The following TSPAN16 variants were observed in gnomAD, a reference collection of about 807,000 sequenced individuals.
The protein encoded by TSPAN16 is tetraspanin 16, also known as tetraspanin-16.
Under a neutral mutation model 25.2 loss-of-function variants are expected in TSPAN16, and 23 were observed. The ratio of observed to expected loss-of-function variants is 0.91; its 90% CI spans 0.66 to 1.29. The LOEUF (loss-of-function observed/expected upper bound fraction) is 1.29. Ranked by LOEUF, TSPAN16 falls within the 50% of genes most tolerant of loss-of-function variation. The pLI, the probability that TSPAN16 is intolerant of heterozygous loss-of-function variation, is 0.00. For synonymous variants in TSPAN16, 123 were observed against 124.4 expected (o/e 0.99, Z 0.08); for missense variants, 272 against 299.9 (o/e 0.91, Z 0.69).
chr19:11,318,394 T>G (rs996664808), downstream of TSPAN16, among the ~76,000 whole-genome samples: 6 of 151,826 alleles, frequency 4.0e-5, no homozygotes, highest in Non-Finnish European at 8.8e-5. Flanking sequence ...TCTCCTGACC[T>G]CGTGATCTGC....
At chr19:11,307,806 A>G (rs1028984468) in intron 5 of TSPAN16, 2 of 152,156 alleles carry the variant, frequency 1.3e-5, no homozygotes. Flanking sequence ...ACTCTTATTG[A>G]GTGTTCAGCT....
At chr19:11,325,336 A>G in intron 6 of TSPAN16, 7 of 1,103,880 alleles carry the variant, frequency 6.3e-6, no homozygotes, top group Non-Finnish European at 7.7e-6. Context: ...ACTGTGGCTC[A>G]CGCCTCGATC....
At chr19:11,298,360 G>C (rs780726338) in intron 2 of TSPAN16, 21 bp downstream of exon 2, 17 of 1,611,206 alleles carry the variant, frequency 1.1e-5, no homozygotes, top group Non-Finnish European at 1.4e-5. Context: ...TCTGCACACA[G>C]ACCCCAGAAC....
chr19:11,313,217 A>G (rs1029567336), intron 6 of TSPAN16, among the ~76,000 whole-genome samples: 4 of 152,298 alleles, frequency 2.6e-5, no homozygotes, highest in African/African-American at 7.2e-5. Flanking sequence ...ATGACATAAG[A>G]AAGTAAAACT....
chr19:11,318,685 C>G (rs550682375), downstream of TSPAN16, among the ~76,000 whole-genome samples: 1 of 151,560 alleles, frequency 6.6e-6, no homozygotes, highest in Non-Finnish European at 1.5e-5. Context: ...CTTGCTCTGT[C>G]GCCCAAGCTG....
intron 6 of TSPAN16, among the ~76,000 whole-genome samples, chr19:11,315,384 C>T (rs1484584797): frequency 6.7e-6 from 1 of 149,922 alleles, no homozygotes; most frequent in African/African-American, 2.4e-5. Flanking sequence ...AATAAAACCC[C>T]GTCTCTACTA....
intron 1 of TSPAN16, among the ~76,000 whole-genome samples, chr19:11,296,788 C>T (rs2080482941): frequency 6.6e-6 from 1 of 152,222 alleles, no homozygotes; most frequent in Admixed American, 6.6e-5. Flanking sequence ...CCTGTAATCC[C>T]AACGCTTTGG....
At chr19:11,308,457 C>T (rs1175593952) in intron 5 of TSPAN16, among the ~76,000 whole-genome samples, 1 of 151,660 alleles carries the variant, frequency 6.6e-6, no homozygotes, top group African/African-American at 2.4e-5. Context: ...TGCTACCACG[C>T]CCAGCTAATT....
chr19:11,315,296 G>T (rs2080736415), intron 6 of TSPAN16, among the ~76,000 whole-genome samples: 1 of 148,866 alleles, frequency 6.7e-6, no homozygotes, highest in East Asian at 2.0e-4. Flanking sequence ...GGTGGCTCAC[G>T]CCTGTAATCC....
chr19:11,316,811 CTTTT>C (rs71164185), downstream of TSPAN16, among the ~76,000 whole-genome samples: 1 of 129,620 alleles, frequency 7.7e-6, no homozygotes, highest in Admixed American at 8.0e-5. Flanking sequence ...CCCCCCCCGC[CTTTT>C]TTTTTTTTTT....
In TSPAN16 at chr19:11,301,321, TAA is replaced by T. The variant is rs549335631; in HGVS notation, c.450+24_450+25del. The T allele has an allele frequency of 4.9e-5, 62 of 1,261,750 alleles. No individual in the cohort carries two copies. Among genetic ancestry groups the T allele is most frequent in the Non-Finnish European group, 5.8e-5 (53 of 920,728 alleles). 78.2% of individuals were successfully genotyped at this position (1,261,750 alleles called of 1,614,324 possible). A position where few individuals can be genotyped will look rare whatever the true frequency, so the allele number is the denominator to read the frequency against. ...GGTCATGGAGAAGGTGAGGCTTACT[TAA>T]AAAAAAAAAATTGTGGTGTAAAGGT... On this transcript the variant is annotated intron_variant, in intron 4 of 6. Coordinates refer to ENST00000590327, the MANE Select transcript of TSPAN16 (RefSeq NM_001282509.2).
chr19:11,319,547 G>C (rs8107791), downstream of TSPAN16, among the ~76,000 whole-genome samples: 4 of 151,874 alleles, frequency 2.6e-5, no homozygotes, highest in African/African-American at 9.7e-5. Flanking sequence ...GCAGTGAGCC[G>C]AGATCGCGCC....
At chr19:11,320,685 A>AAT (rs1447336421), downstream of TSPAN16, among the ~76,000 whole-genome samples, 1 of 151,490 alleles carries the variant, frequency 6.6e-6, no homozygotes, top group East Asian at 1.9e-4. Flanking sequence ...AAAAAAAAAA[A>AAT]AAGAAAAGAA....
intron 6 of TSPAN16, among the ~76,000 whole-genome samples, chr19:11,326,219 T>TAAA (rs57893701): frequency 4.8e-4 from 68 of 142,096 alleles, no homozygotes; most frequent in African/African-American, 1.5e-3. Flanking sequence ...GAGATTCTAT[T>TAAA]AAAAAAAAAA....
chr19:11,312,008 C>T (rs545911886), intron 5 of TSPAN16, 131 bp from the exon 6 acceptor site: 96 of 652,938 alleles, frequency 1.5e-4, no homozygotes, highest in African/African-American at 7.9e-4. Context: ...AAGGCCCTCA[C>T]GGCTCTCTCC....
chr19:11,303,572 TAAA>T lies in TSPAN16; in HGVS notation c.450+2265_450+2267del, dbSNP rs2080591758. Among the ~76,000 whole-genome samples, 5 of 76,350 alleles carry T rather than the reference TAAA, an allele frequency of 6.5e-5. No homozygotes were observed. In the Admixed American group the frequency reaches 7.5e-4, roughly 12 times the overall value. The allele number at this position is 76,350 out of a possible 152,430, so 50.1% of individuals were successfully genotyped here. A position where few individuals can be genotyped will look rare whatever the true frequency, so the allele number is the denominator to read the frequency against. ...GATCAATAAAAAATAAATAAATAAATAAATTAAAAAAAAAAAAAAAAAAAACTC... is the reference window on the plus strand; with the variant it reads ...GATCAATAAAAAATAAATAAATAAATTTAAAAAAAAAAAAAAAAAAAACTC... On this transcript the variant is annotated intron_variant, in intron 4 of 6. Transcript: ENST00000590327.
At position 11,326,623 on chromosome 19, in the gene TSPAN16, A is replaced by G. The variant is rs116723141; in HGVS notation, c.688-171A>G. Among the ~76,000 whole-genome samples, 503 of 152,298 alleles carry G rather than the reference A, an allele frequency of 3.3e-3. 7 individuals are homozygous for G. The highest frequency in any genetic ancestry group is 0.012 in the African/African-American group (492 of 41,582). ...CATTTTCCATTGCTTTTTTTAAAAG[A>G]GAAACGGTCTCTCTCTATTGCCCAG... On this transcript the variant is annotated intron_variant, in intron 6 of 6. Coordinates refer to the TSPAN16 transcript ENST00000316737.
intron 4 of TSPAN16, among the ~76,000 whole-genome samples, chr19:11,302,883 TA>T: frequency 6.7e-6 from 1 of 148,960 alleles, no homozygotes; most frequent in East Asian, 2.0e-4. Context: ...CATGCCTGGC[TA>T]ATTTTTTTTT....
intron 4 of TSPAN16, 173 bp from the exon 5 acceptor site, chr19:11,306,431 G>C (rs2080626852): frequency 8.0e-6 from 6 of 753,450 alleles, no homozygotes; most frequent in Non-Finnish European, 2.0e-6. Context: ...TTTACCCTGA[G>C]TGAGATGGGA....
Sources: gnomAD v4.1 joint callset for allele counts (sites outside exome capture counted in the v4.1 genomes callset) on GRCh38, gnomAD v4.1.1 for gene constraint, MANE v1.5 for transcripts, NCBI Gene and HGNC (gene_info 2026-07-23, HGNC 2026-07-21) for gene names.